UBAC2: variants seen among roughly 807,000 people sequenced by gnomAD.
The protein encoded by UBAC2 is UBA domain containing 2, also known as ubiquitin-associated domain-containing protein 2.
UBAC2 carries 26 observed loss-of-function variants against 44.0 expected under a neutral mutation model. The ratio of observed to expected loss-of-function variants is 0.59; its 90% confidence interval spans 0.43 to 0.82. The LOEUF (loss-of-function observed/expected upper bound fraction) is 0.82, where lower values mean the gene tolerates loss of function less well. Ranked by LOEUF, UBAC2 falls within the 40% of genes least tolerant of loss-of-function variation. The pLI is 0.00. For synonymous variants in UBAC2, 155 were observed against 154.3 expected, an observed-to-expected ratio of 1.00 and a Z score of -0.04; for missense variants, 329 against 419.4, an observed-to-expected ratio of 0.78 and a Z score of 1.88.
chr13:99,257,688 A>G (rs1447389292), intron 4 of UBAC2, among the ~76,000 whole-genome samples: 3 of 152,212 alleles, frequency 2.0e-5, no homozygotes, highest in African/African-American at 7.2e-5. Flanking sequence ...TACCATGATT[A>G]TCTGTAGCTT....
rs572240757 is a variant in UBAC2 at position 99,210,415 on chromosome 13, G to A, written c.31+9476G>A. Among the ~76,000 whole-genome samples the A allele has an allele frequency of 2.0e-4, 31 of 151,612 alleles. No individual in the cohort carries two copies. In the South Asian group the frequency reaches 2.1e-3, roughly 10 times the overall value. On this transcript the variant is annotated intron_variant, in intron 1 of 8. Coordinates refer to ENST00000403766, the MANE Select transcript of UBAC2 (RefSeq NM_001144072.2). ...ATTTTCTTGCCTTTTTTCCACCCAA[G>A]AGAATCTTTTAAAATGTAATCATAA...
At chr13:99,304,734 G>A (rs985049636) in intron 4 of UBAC2, among the ~76,000 whole-genome samples, 1 of 152,176 alleles carries the variant, frequency 6.6e-6, no homozygotes, top group Non-Finnish European at 1.5e-5. Flanking sequence ...AAGGTGAAAC[G>A]GAGGCACCAG....
intron 7 of UBAC2, chr13:99,351,520 T>C (rs773973408): frequency 3.5e-5 from 16 of 456,636 alleles, no homozygotes; most frequent in South Asian, 2.5e-4. Flanking sequence ...GAAGGTTATA[T>C]AGCCAGCAGC....
intron 4 of UBAC2, among the ~76,000 whole-genome samples, chr13:99,298,666 T>C (rs1002656508): frequency 2.0e-5 from 3 of 151,998 alleles, no homozygotes; most frequent in Non-Finnish European, 2.9e-5. Flanking sequence ...ACAATAAATA[T>C]CAGTTTTACA....
At chr13:99,229,766 A>G (rs1202916172) in intron 1 of UBAC2, among the ~76,000 whole-genome samples, 2 of 152,272 alleles carry the variant, frequency 1.3e-5, no homozygotes, top group Non-Finnish European at 2.9e-5. Context: ...TTAAAACTTT[A>G]GACTTTCTCT....
intron 7 of UBAC2, chr13:99,351,931 G>A (rs1594159932): frequency 5.6e-6 from 2 of 356,320 alleles, no homozygotes; most frequent in Non-Finnish European, 1.1e-5. Flanking sequence ...ATACTCACAC[G>A]TGCTTTCAGT....
intron 6 of UBAC2, among the ~76,000 whole-genome samples, chr13:99,321,308 T>G (rs914455490): frequency 6.6e-6 from 1 of 152,224 alleles, no homozygotes; most frequent in Non-Finnish European, 1.5e-5. Flanking sequence ...TTATTTTGTT[T>G]AGGCTAGCTT....
chr13:99,371,612 G>C (rs908815379), intron 8 of UBAC2, among the ~76,000 whole-genome samples: 9 of 152,138 alleles, frequency 5.9e-5, no homozygotes, highest in African/African-American at 1.9e-4. Context: ...AAGATAACTT[G>C]AATTAACAAA....
At chr13:99,305,891 A>G (rs1730838611) in intron 4 of UBAC2, among the ~76,000 whole-genome samples, 1 of 151,850 alleles carries the variant, frequency 6.6e-6, no homozygotes, top group Admixed American at 6.6e-5. Context: ...AGGGCCATTT[A>G]TTTATTTATT....
chr13:99,360,245 G>A (rs193224386), intron 7 of UBAC2, among the ~76,000 whole-genome samples: 2 of 152,238 alleles, frequency 1.3e-5, no homozygotes, highest in East Asian at 3.9e-4. Flanking sequence ...TTGGGAAGAC[G>A]AGAAACAATA....
Position 99,248,215 on chromosome 13 carries a change from CCTTT to C in UBAC2, c.389+3600_389+3603del, listed in dbSNP as rs538829127. Reference sequence around the variant, plus strand: ...TCCTGATATTTCTTGAGTCTTATTTCCTTTCTTTCTTTTATTTTATTTTTAGAAA... The same window carrying C: ...TCCTGATATTTCTTGAGTCTTATTTCCTTTCTTTTATTTTATTTTTAGAAA... On this transcript the variant is annotated intron_variant, in intron 4 of 8. Coordinates refer to ENST00000403766, the MANE Select transcript of UBAC2 (RefSeq NM_001144072.2). Among the ~76,000 whole-genome samples the C allele has an allele frequency of 6.9e-4, 105 of 152,120 alleles. 1 individual carries two copies. In the East Asian group the frequency reaches 0.019, roughly 28 times the overall value.
chr13:99,316,086 T>C (rs1460988757), intron 5 of UBAC2, among the ~76,000 whole-genome samples: 2 of 152,036 alleles, frequency 1.3e-5, no homozygotes, highest in Non-Finnish European at 2.9e-5. Flanking sequence ...CTACCACGGA[T>C]AGTTTTTCAA....
At chr13:99,376,398 A>C (rs750406883) in intron 8 of UBAC2, among the ~76,000 whole-genome samples, 58 of 152,126 alleles carry the variant, frequency 3.8e-4, no homozygotes, top group Non-Finnish European at 7.1e-4. Context: ...GGCACCCTGG[A>C]CACCTCCAAG....
At chr13:99,272,605 C>T (rs1291952435) in intron 4 of UBAC2, among the ~76,000 whole-genome samples, 3 of 152,282 alleles carry the variant, frequency 2.0e-5, no homozygotes, top group Middle Eastern at 3.4e-3. Flanking sequence ...TGAGGGCCTG[C>T]CGTCTTCCTG....
intron 1 of UBAC2, among the ~76,000 whole-genome samples, chr13:99,224,286 A>C (rs2043086321): frequency 6.6e-6 from 1 of 152,130 alleles, no homozygotes; most frequent in Non-Finnish European, 1.5e-5. Context: ...ACATTGAATT[A>C]GGGCTCCATC....
intron 6 of UBAC2, among the ~76,000 whole-genome samples, chr13:99,330,382 C>T (rs1451184700): frequency 6.8e-6 from 1 of 147,338 alleles, no homozygotes; most frequent in Non-Finnish European, 1.5e-5. Context: ...TCGCTTGAAC[C>T]TGGGACGCCG....
At chr13:99,365,075 C>T (rs960802816) in intron 7 of UBAC2, among the ~76,000 whole-genome samples, 1 of 152,168 alleles carries the variant, frequency 6.6e-6, no homozygotes, top group Non-Finnish European at 1.5e-5. Flanking sequence ...ATAAGTTATA[C>T]TTTTCTAGAA....
intron 7 of UBAC2, among the ~76,000 whole-genome samples, chr13:99,366,052 T>C (rs2138891379): frequency 6.6e-6 from 1 of 152,378 alleles, no homozygotes; most frequent in Non-Finnish European, 1.5e-5. Context: ...CTGATTTTTT[T>C]CCATCTCTTT....
chr13:99,210,649 G>A (rs1019152342), intron 1 of UBAC2, among the ~76,000 whole-genome samples: 4 of 152,072 alleles, frequency 2.6e-5, no homozygotes, highest in South Asian at 4.2e-4. Context: ...GGCTAATTTT[G>A]TGTTTTTAGT....
Sources: allele counts gnomAD v4.1 joint callset (sites outside exome capture counted in the v4.1 genomes callset), GRCh38; gene constraint gnomAD v4.1.1; transcripts MANE v1.5; gene names NCBI Gene and HGNC (gene_info 2026-07-23, HGNC 2026-07-21).